ADARB2: variants seen among roughly 807,000 people sequenced by gnomAD.
ADARB2 encodes the protein adenosine deaminase RNA specific B2 (inactive), also known as inactive double-stranded RNA-specific editase B2.
ADARB2 carries 25 observed loss-of-function variants against 62.2 expected under a neutral mutation model. The observed-to-expected ratio is 0.40, with a 90% CI of 0.29 to 0.56. The LOEUF (loss-of-function observed/expected upper bound fraction) is 0.56, where lower values mean the gene tolerates loss of function less well. Ranked by LOEUF, ADARB2 falls within the 20% of genes least tolerant of loss-of-function variation. The pLI, the probability that ADARB2 is intolerant of heterozygous loss-of-function variation, is 0.43. For synonymous variants in ADARB2, 572 were observed against 500.8 expected (o/e 1.14, Z -1.90); for missense variants, 1,071 against 1,077.4 (o/e 0.99, Z 0.08).
At chr10:1,458,994 C>T (rs1226031674) in intron 1 of ADARB2, among the ~76,000 whole-genome samples, 1 of 152,218 alleles carries the variant, frequency 6.6e-6, no homozygotes, top group Non-Finnish European at 1.5e-5. Flanking sequence ...TAATGAGGTA[C>T]CATCTCACAC....
chr10:1,435,472 C>T (rs1292260740), intron 1 of ADARB2, among the ~76,000 whole-genome samples: 2 of 152,166 alleles, frequency 1.3e-5, no homozygotes, highest in Admixed American at 6.5e-5. Context: ...CGGGCTGAGC[C>T]TCCTTCTGCG....
At chr10:1,532,015 T>C (rs899685632) in intron 1 of ADARB2, among the ~76,000 whole-genome samples, 3 of 152,184 alleles carry the variant, frequency 2.0e-5, no homozygotes, top group Non-Finnish European at 4.4e-5. Context: ...CAAACTTACA[T>C]CAAATAGTTT....
At chr10:1,515,341 G>A (rs1831995061) in intron 1 of ADARB2, among the ~76,000 whole-genome samples, 1 of 152,218 alleles carries the variant, frequency 6.6e-6, no homozygotes, top group African/African-American at 2.4e-5. Context: ...GACCCCCTGA[G>A]CCGACAGAGT....
chr10:1,446,719 A>G (rs1830975966), intron 1 of ADARB2, among the ~76,000 whole-genome samples: 1 of 152,216 alleles, frequency 6.6e-6, no homozygotes, highest in Non-Finnish European at 1.5e-5. Flanking sequence ...TCTCTCTTAC[A>G]GTGTTCTCGT....
intron 1 of ADARB2, among the ~76,000 whole-genome samples, chr10:1,613,315 G>T (rs759444933): frequency 5.3e-5 from 8 of 152,140 alleles, no homozygotes; most frequent in Non-Finnish European, 1.0e-4. Flanking sequence ...TCCATGAAAA[G>T]ATTTTTTTTA....
intron 3 of ADARB2, among the ~76,000 whole-genome samples, chr10:1,340,780 G>A (rs1335287031): frequency 3.4e-5 from 5 of 146,818 alleles, no homozygotes; most frequent in Non-Finnish European, 7.5e-5. Flanking sequence ...GCGATAACCA[G>A]CATCCACCAG....
intron 1 of ADARB2, among the ~76,000 whole-genome samples, chr10:1,691,820 G>A (rs963524058): frequency 4.6e-5 from 7 of 152,064 alleles, no homozygotes; most frequent in African/African-American, 1.7e-4. Context: ...TTCCACTTCT[G>A]TCCCCTCCAG....
intron 1 of ADARB2, among the ~76,000 whole-genome samples, chr10:1,697,579 T>A (rs1229407011): frequency 6.6e-6 from 1 of 152,206 alleles, no homozygotes; most frequent in Non-Finnish European, 1.5e-5. Flanking sequence ...CCACAGTTGA[T>A]ACTGAAATGC....
chr10:1,598,769 G>A (rs566131598), intron 1 of ADARB2, among the ~76,000 whole-genome samples: 2 of 152,258 alleles, frequency 1.3e-5, no homozygotes, highest in African/African-American at 4.8e-5. Context: ...AAGCAAGCCA[G>A]GGAGAGCCCT....
chr10:1,522,816 C>T (rs553645875), intron 1 of ADARB2, among the ~76,000 whole-genome samples: 10 of 152,302 alleles, frequency 6.6e-5, no homozygotes, highest in African/African-American at 2.2e-4. Context: ...CAGAGGACAG[C>T]GTGCCTGCAG....
At chr10:1,523,862 T>C (rs1408443005) in intron 1 of ADARB2, among the ~76,000 whole-genome samples, 1 of 152,250 alleles carries the variant, frequency 6.6e-6, no homozygotes, top group Non-Finnish European at 1.5e-5. Flanking sequence ...TCTGTATAAA[T>C]GGCCTGCATA....
intron 3 of ADARB2, among the ~76,000 whole-genome samples, chr10:1,339,619 A>G (rs1832004598): frequency 6.6e-6 from 1 of 152,222 alleles, no homozygotes; most frequent in Non-Finnish European, 1.5e-5. Flanking sequence ...AAACTTTGAA[A>G]ATTCTCCAAG....
At chr10:1,580,243 T>C (rs1044458330) in intron 1 of ADARB2, among the ~76,000 whole-genome samples, 4 of 152,160 alleles carry the variant, frequency 2.6e-5, no homozygotes. Flanking sequence ...GGCTGATAGA[T>C]GGTTTTTCAA....
At chr10:1,621,426 T>TTTTTTTTTTTTCTTGGTTTTTCTTTTC (rs1833702926) in intron 1 of ADARB2, among the ~76,000 whole-genome samples, 1 of 151,722 alleles carries the variant, frequency 6.6e-6, no homozygotes, top group African/African-American at 2.4e-5. Context: ...CTTTCTTTTT[T>TTTTTTTTTTTTCTTGGTTTTTCTTTTC]TTTTTTTGAG....
intron 1 of ADARB2, among the ~76,000 whole-genome samples, chr10:1,509,125 T>C (rs1192647484): frequency 6.6e-6 from 1 of 152,190 alleles, no homozygotes; most frequent in South Asian, 2.1e-4. Context: ...CTGCGTGCCA[T>C]GCCCTCGGTG....
chr10:1,522,919 C>T (rs886693688), intron 1 of ADARB2, among the ~76,000 whole-genome samples: 2 of 152,118 alleles, frequency 1.3e-5, no homozygotes, highest in Non-Finnish European at 2.9e-5. Context: ...ATGGCAGGAG[C>T]GACTCCTCTC....
intron 1 of ADARB2, among the ~76,000 whole-genome samples, chr10:1,568,147 G>A (rs989295746): frequency 9.2e-5 from 14 of 152,240 alleles, no homozygotes; most frequent in African/African-American, 1.7e-4. Flanking sequence ...GTGTCACCTC[G>A]CAGGGCCTGA....
In ADARB2 at chr10:1,183,048, T is replaced by C; in HGVS notation, c.*145A>G. 1 of 923,044 alleles carries C rather than the reference T, an allele frequency of 1.1e-6. No individual in the cohort carries two copies. Among genetic ancestry groups the C allele is most frequent in the South Asian group, 1.7e-5 (1 of 57,686 alleles). 57.2% of individuals were successfully genotyped at this position (923,044 alleles called of 1,614,324 possible). On this transcript the variant is annotated 3_prime_UTR_variant, in exon 10 of 10. Transcript: ENST00000381312. ...GCACGTTCTGAATTTGTGTTGTTGC[T>C]CGTCCAAACATTGCACACTCGCGTG...
intron 1 of ADARB2, among the ~76,000 whole-genome samples, chr10:1,616,990 T>A: frequency 6.6e-6 from 1 of 151,612 alleles, no homozygotes; most frequent in Admixed American, 6.6e-5. Flanking sequence ...GGTTACATTC[T>A]GTCGCTAGAT....
Sources: gnomAD v4.1 joint callset for allele counts (sites outside exome capture counted in the v4.1 genomes callset) on GRCh38, gnomAD v4.1.1 for gene constraint, MANE v1.5 for transcripts, NCBI Gene and HGNC (gene_info 2026-07-23, HGNC 2026-07-21) for gene names.